The following SUCO variants were observed in gnomAD, a reference collection of about 807,000 sequenced individuals.
SUCO encodes the protein SUN domain-containing ossification factor.
A neutral mutation model predicts 148.1 loss-of-function variants in SUCO; 57 were observed. That is an observed-to-expected ratio of 0.38 (90% CI 0.31 to 0.48). The LOEUF is 0.48. Ranked by LOEUF, SUCO falls within the 20% of genes least tolerant of loss-of-function variation. The pLI is 0.96. For synonymous variants in SUCO, 470 were observed against 502.7 expected (o/e 0.93, Z 0.87); for missense variants, 1,331 against 1,468.2 (o/e 0.91, Z 1.53).
At chr1:172,581,668 C>T (rs1655894042) in intron 15 of SUCO, among the ~76,000 whole-genome samples, 1 of 152,186 alleles carries the variant, frequency 6.6e-6, no homozygotes, top group Non-Finnish European at 1.5e-5. Flanking sequence ...ATAATCATCA[C>T]TGCTTTCTAA....
At position 172,569,146 on chromosome 1, in the gene SUCO, A is replaced by G; in HGVS notation, c.856+4A>G. On this transcript the variant is annotated splice_donor_region_variant and intron_variant, in intron 7 of 23. Transcript: ENST00000263688. ...ATGGAAGTAGAAAAAGAAAAAAGTAAGGAAGTATTTGAGTTCTTTAAATTT... is the reference window on the plus strand; with the variant it reads ...ATGGAAGTAGAAAAAGAAAAAAGTAGGGAAGTATTTGAGTTCTTTAAATTT... 6.5e-7 allele frequency: 1 copy of G among 1,542,130 alleles called. No individual in the cohort carries two copies. The highest frequency in any genetic ancestry group is 1.2e-5 in the South Asian group (1 of 81,188).
intron 21 of SUCO, 104 bp downstream of exon 21, chr1:172,602,322 C>A: frequency 7.2e-7 from 1 of 1,387,988 alleles, no homozygotes; most frequent in Non-Finnish European, 9.5e-7. Context: ...ATTTCTTTCC[C>A]TATATGATTA....
chr1:172,578,258 G>A, intron 13 of SUCO, 40 bp from the exon 14 acceptor site: 1 of 1,418,848 alleles, frequency 7.0e-7, no homozygotes, highest in African/African-American at 1.4e-5. Context: ...CTTAACGAGT[G>A]TTTTGTTTTG....
chr1:172,533,446 A>C lies in SUCO; in HGVS notation c.11A>C (p.His4Pro). The change falls in exon 1 of 24, where the codon CAC becomes CCC. Residue 4 changes from histidine to proline, a missense_variant. By Grantham distance (77) the His-to-Pro change is moderately conservative (BLOSUM62 -2). Coordinates refer to ENST00000263688, the MANE Select transcript of SUCO (RefSeq NM_014283.5). Reference sequence around the variant, plus strand: ...AAGAAGGAGGAGAAGATGAAGAAGCACCGGCGGGCCTTGGCCCTGGTCTCC... The same window carrying C: ...AAGAAGGAGGAGAAGATGAAGAAGCCCCGGCGGGCCTTGGCCCTGGTCTCC... Reference protein sequence around the residue: MKKHRRALALVSCL... With the variant: MKKPRRALALVSCL... 1 of 1,563,990 alleles carries C rather than the reference A, an allele frequency of 6.4e-7. No individual in the cohort carries two copies. Among genetic ancestry groups the C allele is most frequent in the Non-Finnish European group, 8.7e-7 (1 of 1,154,002 alleles).
intron 20 of SUCO, among the ~76,000 whole-genome samples, chr1:172,600,561 T>C (rs1228903382): frequency 1.3e-5 from 2 of 152,168 alleles, no homozygotes; most frequent in Admixed American, 6.5e-5. Context: ...TGTACACTCC[T>C]AGGTTGTGGT....
chr1:172,589,711 G>A lies in SUCO; in HGVS notation c.2610G>A (p.Gln870=). ...TACCTGAAGTAAAAGAAGAAGAACA[G>A]TCTCCAGAAGATGCCCTTTTGAGAG... is the stretch of plus-strand genomic sequence containing the variant. ...SSLPEVKEEE[Q]SPEDALLRGL... Residue 870 remains glutamine, a synonymous_variant, in exon 18 of 24, where the codon CAG becomes CAA. Transcript: ENST00000263688. 1 of 1,613,648 alleles carries A rather than the reference G, an allele frequency of 6.2e-7. No individual in the cohort carries two copies. Among genetic ancestry groups the A allele is most frequent in the Non-Finnish European group, 8.5e-7 (1 of 1,179,714 alleles).
chr1:172,575,875 T>A (rs1473199158), intron 11 of SUCO, among the ~76,000 whole-genome samples: 1 of 151,898 alleles, frequency 6.6e-6, no homozygotes, highest in Non-Finnish European at 1.5e-5. Flanking sequence ...TATAACTATT[T>A]AAGTTTTTTG....
chr1:172,551,560 G>C lies in SUCO; in HGVS notation c.111G>C (p.Ala37=). Residue 37 remains alanine (A), a synonymous_variant, in exon 2 of 24, where the codon GCG becomes GCC. Coordinates refer to ENST00000263688, the MANE Select transcript of SUCO (RefSeq NM_014283.5). The part of the protein sequence containing the change: ...VCCKESSSAS[A]SSYYSQDDNC... ...GTAAAGAGAGTTCTTCAGCTTCAGC[G>C]TCATCATATTACTCTCAAGATGACA... 4.3e-6 allele frequency: 7 copies of C among 1,611,294 alleles called. No homozygotes were observed. Among genetic ancestry groups the C allele is most frequent in the Non-Finnish European group, 5.9e-6 (7 of 1,178,576 alleles).
At chr1:172,534,321 A>C (rs1298316698) in intron 1 of SUCO, among the ~76,000 whole-genome samples, 1 of 152,234 alleles carries the variant, frequency 6.6e-6, no homozygotes, top group African/African-American at 2.4e-5. Flanking sequence ...CTTTCCTCCC[A>C]GGGAATTTCT....
intron 10 of SUCO, chr1:172,574,803 C>G: frequency 1.4e-6 from 1 of 735,174 alleles, no homozygotes; most frequent in Non-Finnish European, 1.7e-6. Flanking sequence ...CTTGGTGTTT[C>G]TTCCTCCACC....
At chr1:172,548,020 TG>T (rs1652990849) in intron 1 of SUCO, among the ~76,000 whole-genome samples, 1 of 152,038 alleles carries the variant, frequency 6.6e-6, no homozygotes, top group Non-Finnish European at 1.5e-5. Flanking sequence ...GATTTTTTTT[TG>T]TACTATGCTG....
chr1:172,572,187 G>A (rs866748490), intron 9 of SUCO, among the ~76,000 whole-genome samples: 1,980 of 141,186 alleles, frequency 0.014, 75 homozygotes, highest in African/African-American at 0.049. Context: ...CCACCACCCC[G>A]TTTGGGAGGT....
rs555068091 is a variant in SUCO at position 172,600,185 on chromosome 1, G to A, written c.3018+17G>A. 4.9e-5 allele frequency: 76 copies of A among 1,550,302 alleles called. 2 individuals carry two copies. The South Asian group carries it at 8.0e-4, about 16-fold the overall frequency. On this transcript the variant is annotated intron_variant, in intron 20 of 23. Transcript: ENST00000263688. ...AAACGGGAGGTAATTGTTATTGCTG[G>A]TATTGCGAGACCCAATGCATGTATA...
chr1:172,543,762 A>G (rs1652662748), intron 1 of SUCO, among the ~76,000 whole-genome samples: 1 of 152,134 alleles, frequency 6.6e-6, no homozygotes, highest in South Asian at 2.1e-4. Context: ...ATTGCACGTG[A>G]TTTGACTATG....
Position 172,533,370 on chromosome 1 carries a change from G to C in SUCO, c.-66G>C. 6.4e-7 allele frequency: 1 copy of C among 1,551,884 alleles called. No homozygotes were observed. Among genetic ancestry groups the C allele is most frequent in the Non-Finnish European group, 8.7e-7 (1 of 1,147,134 alleles). ...GCTCCTGCTCCGGCTCCTCCATCTT[G>C]GCCTCGGCAGTGGCGGCTGCCGGGA... On this transcript the variant is annotated 5_prime_UTR_variant, in exon 1 of 24. Transcript: ENST00000263688.
intron 19 of SUCO, 142 bp downstream of exon 19, chr1:172,591,213 C>G (rs1300221231): frequency 5.4e-6 from 3 of 553,336 alleles, no homozygotes; most frequent in Non-Finnish European, 9.5e-6. Context: ...AATGTGATGT[C>G]ATGTTTGGAA....
At position 172,551,497 on chromosome 1, in the gene SUCO, G is replaced by T. The variant is rs780516653; in HGVS notation, c.63-15G>T. Reference sequence around the variant, plus strand: ...TCTCTTTTTCTGTTTGTTGGTGGTGGTGGGTGTTTTACAGGCTTCCCAGCT... The same window carrying T: ...TCTCTTTTTCTGTTTGTTGGTGGTGTTGGGTGTTTTACAGGCTTCCCAGCT... On this transcript the variant is annotated splice_polypyrimidine_tract_variant and intron_variant, in intron 1 of 23. Coordinates refer to ENST00000263688, the MANE Select transcript of SUCO (RefSeq NM_014283.5). 6.7e-7 allele frequency: 1 copy of T among 1,502,408 alleles called. No homozygotes were observed. The highest frequency in any genetic ancestry group is 9.1e-7 in the Non-Finnish European group (1 of 1,096,402). 93.1% of individuals were successfully genotyped at this position (1,502,408 alleles called of 1,614,324 possible).
Position 172,589,295 on chromosome 1 carries a change from T to A in SUCO, c.2194T>A (p.Ser732Thr). ...AAGCCATTCTCAAACTCTTTCTCAG[T>A]CTCTTCTTTTAGATATTACCCCAGA... ...EPSHSQTLSQ[S>T]LLLDITPEIN... Residue 732 changes from serine to threonine, a missense_variant, in exon 18 of 24, where the codon TCT becomes ACT. Coordinates refer to ENST00000263688, the MANE Select transcript of SUCO (RefSeq NM_014283.5). The A allele has an allele frequency of 1.9e-6, 3 of 1,613,482 alleles. No individual in the cohort carries two copies. Among genetic ancestry groups the A allele is most frequent in the Non-Finnish European group, 2.5e-6 (3 of 1,179,768 alleles).
At chr1:172,558,006 A>T (rs1653874554) in intron 6 of SUCO, among the ~76,000 whole-genome samples, 1 of 152,178 alleles carries the variant, frequency 6.6e-6, no homozygotes, top group African/African-American at 2.4e-5. Context: ...TTCAAGTGTG[A>T]ACTCTCTCTG....
Sources: gnomAD v4.1 joint callset for allele counts (sites outside exome capture counted in the v4.1 genomes callset) on GRCh38, gnomAD v4.1.1 for gene constraint, MANE v1.5 for transcripts, NCBI Gene and HGNC (gene_info 2026-07-23, HGNC 2026-07-21) for gene names.